The following PDE7B variants were observed in gnomAD, a reference collection of about 807,000 sequenced individuals.
PDE7B encodes 3',5'-cyclic-AMP phosphodiesterase 7B.
In PDE7B, 29 loss-of-function variants were observed where a neutral mutation model predicts 56.2. The ratio of observed to expected loss-of-function variants is 0.52; its 90% CI spans 0.38 to 0.70. The LOEUF is 0.70. Among genes scored for constraint, PDE7B ranks in the 30% least tolerant of loss-of-function variants. The probability of loss-of-function intolerance (pLI) is 0.00; values close to 1 mark genes in which losing one functional copy is unlikely to be tolerated. For synonymous variants in PDE7B, 197 were observed against 196.9 expected, an observed-to-expected ratio of 1.00 and a Z score of 0.00; for missense variants, 490 against 565.0, an observed-to-expected ratio of 0.87 and a Z score of 1.35.
At chr6:135,975,008 A>C (rs4074848) in intron 2 of PDE7B, among the ~76,000 whole-genome samples, 2 of 152,036 alleles carry the variant, frequency 1.3e-5, no homozygotes, top group African/African-American at 4.8e-5. Flanking sequence ...ACTGGGTTCA[A>C]TACAAGAGAC....
At chr6:135,949,769 G>A (rs911525303) in intron 2 of PDE7B, among the ~76,000 whole-genome samples, 1 of 152,046 alleles carries the variant, frequency 6.6e-6, no homozygotes, top group Admixed American at 6.6e-5. Context: ...AAGGAACTGT[G>A]AGAATGGAAG....
At chr6:136,143,763 T>C (rs1188683436) in intron 3 of PDE7B, among the ~76,000 whole-genome samples, 1 of 151,854 alleles carries the variant, frequency 6.6e-6, no homozygotes. Context: ...TTATTTCCTA[T>C]CATCTACACT....
At chr6:136,037,809 GA>G in intron 2 of PDE7B, 1 of 985,364 alleles carries the variant, frequency 1.0e-6, no homozygotes, top group Non-Finnish European at 1.2e-6. Flanking sequence ...AACAAACTTT[GA>G]CAAGCACCAA....
intron 1 of PDE7B, among the ~76,000 whole-genome samples, chr6:135,910,027 AG>A (rs1426222144): frequency 6.6e-5 from 10 of 152,312 alleles, no homozygotes; most frequent in African/African-American, 2.4e-4. Context: ...AAATCCTGAC[AG>A]GTGTATTGCT....
intron 2 of PDE7B, among the ~76,000 whole-genome samples, chr6:135,997,537 GAAA>G (rs770755918): frequency 4.6e-5 from 6 of 131,000 alleles, no homozygotes; most frequent in Non-Finnish European, 9.5e-5. Context: ...TCTATCATAA[GAAA>G]AAAATCTAAA....
intron 2 of PDE7B, among the ~76,000 whole-genome samples, chr6:136,084,026 G>C (rs1777247704): frequency 6.6e-6 from 1 of 152,098 alleles, no homozygotes; most frequent in Non-Finnish European, 1.5e-5. Context: ...TACATGCAAA[G>C]GACTTTTCTA....
chr6:135,983,876 C>T (rs1379416004), intron 2 of PDE7B, among the ~76,000 whole-genome samples: 1 of 152,236 alleles, frequency 6.6e-6, no homozygotes, highest in African/African-American at 2.4e-5. Flanking sequence ...TCCAGCAAGG[C>T]CCTATGTTTA....
chr6:136,148,446 TGGGAGGGA>T (rs1166710987), intron 4 of PDE7B, among the ~76,000 whole-genome samples: 7 of 9,750 alleles, frequency 7.2e-4, no homozygotes, highest in Middle Eastern at 0.071. Context: ...GAGAGGAGGG[TGGGAGGGA>T]GGGAGGGAAG....
At chr6:135,936,358 T>C (rs1000878251) in intron 1 of PDE7B, among the ~76,000 whole-genome samples, 2 of 152,222 alleles carry the variant, frequency 1.3e-5, no homozygotes, top group Non-Finnish European at 1.5e-5. Flanking sequence ...TTTTGCTATC[T>C]GTAGGGTCTT....
chr6:136,066,021 A>G (rs1326973304), intron 2 of PDE7B, among the ~76,000 whole-genome samples: 1 of 149,240 alleles, frequency 6.7e-6, no homozygotes, highest in African/African-American at 2.5e-5. Context: ...CAATCCAGTG[A>G]TTTCCATAAA....
At chr6:136,062,717 T>A (rs1326643309) in intron 2 of PDE7B, among the ~76,000 whole-genome samples, 1 of 152,162 alleles carries the variant, frequency 6.6e-6, no homozygotes, top group East Asian at 1.9e-4. Flanking sequence ...TCTCACCACC[T>A]CATCCTTTCC....
chr6:135,924,609 C>T (rs1381698463), intron 1 of PDE7B, among the ~76,000 whole-genome samples: 1 of 109,560 alleles, frequency 9.1e-6, no homozygotes. Flanking sequence ...TGGAATCTCT[C>T]TCTCTCTCTT....
At chr6:136,177,063 A>G (rs1778988925) in intron 9 of PDE7B, among the ~76,000 whole-genome samples, 1 of 142,908 alleles carries the variant, frequency 7.0e-6, no homozygotes, top group South Asian at 2.1e-4. Context: ...TAAAGCTTTT[A>G]GAATATGATG....
intron 2 of PDE7B, among the ~76,000 whole-genome samples, chr6:136,079,746 A>G (rs1777177699): frequency 6.9e-6 from 1 of 144,644 alleles, no homozygotes; most frequent in Admixed American, 6.8e-5. Flanking sequence ...AAAAAAAAAA[A>G]GACTTTCCCA....
chr6:135,994,116 CTGTGTGTGTGTGTGTGTG>C (rs3220309), intron 2 of PDE7B, among the ~76,000 whole-genome samples: 148 of 138,716 alleles, frequency 1.1e-3, no homozygotes, highest in Non-Finnish European at 1.5e-3. Flanking sequence ...TGTATTGGAT[CTGTGTGTGTGTGTGTGTG>C]TGTGTGTGTG....
intron 1 of PDE7B, among the ~76,000 whole-genome samples, chr6:135,869,570 G>A (rs1387345795): frequency 1.3e-5 from 2 of 152,174 alleles, no homozygotes; most frequent in Non-Finnish European, 1.5e-5. Context: ...TCCCCATGAA[G>A]CTTGCATTCC....
At chr6:135,978,745 T>C (rs548358743) in intron 2 of PDE7B, among the ~76,000 whole-genome samples, 2 of 152,182 alleles carry the variant, frequency 1.3e-5, no homozygotes, top group Non-Finnish European at 2.9e-5. Flanking sequence ...GAGACTTTGC[T>C]GAAGTTGCTT....
At chr6:136,003,750 C>T (rs1396923675) in intron 2 of PDE7B, among the ~76,000 whole-genome samples, 9 of 152,194 alleles carry the variant, frequency 5.9e-5, no homozygotes, top group Admixed American at 1.3e-4. Context: ...CAGATGGATT[C>T]ACAGCCGAAT....
intron 2 of PDE7B, among the ~76,000 whole-genome samples, chr6:135,996,135 T>C (rs1271164343): frequency 6.6e-6 from 1 of 152,174 alleles, no homozygotes; most frequent in Non-Finnish European, 1.5e-5. Context: ...ATCAATTTCC[T>C]AGTGTCAAAT....
Sources: allele counts gnomAD v4.1 joint callset (sites outside exome capture counted in the v4.1 genomes callset), GRCh38; gene constraint gnomAD v4.1.1; transcripts MANE v1.5; gene names NCBI Gene and HGNC (gene_info 2026-07-23, HGNC 2026-07-21).